Variants in CLSTN2 observed in about 807,000 individuals in gnomAD.
The protein encoded by CLSTN2 is calsyntenin-2.
CLSTN2 carries 48 observed loss-of-function variants against 101.2 expected under a neutral mutation model. That is an observed-to-expected ratio of 0.47 (90% confidence interval 0.38 to 0.60). The LOEUF (loss-of-function observed/expected upper bound fraction) is 0.60, where lower values mean the gene tolerates loss of function less well. CLSTN2 is among the 20% of genes least tolerant of loss of function. CLSTN2 has a pLI of 0.00. For synonymous variants in CLSTN2, 481 were observed against 463.6 expected (o/e 1.04, Z -0.48); for missense variants, 1,160 against 1,238.2 (o/e 0.94, Z 0.95).
chr3:140,075,068 A>G (rs1368239864), intron 1 of CLSTN2, among the ~76,000 whole-genome samples: 1 of 152,224 alleles, frequency 6.6e-6, no homozygotes, highest in Non-Finnish European at 1.5e-5. Context: ...CATCCCTGAT[A>G]CTAGTTATTT....
At chr3:140,305,163 G>T (rs1012840116) in intron 2 of CLSTN2, among the ~76,000 whole-genome samples, 1 of 151,654 alleles carries the variant, frequency 6.6e-6, no homozygotes, top group Admixed American at 6.6e-5. Context: ...CCTCCACTCC[G>T]TGCTGAGGAT....
intron 1 of CLSTN2, among the ~76,000 whole-genome samples, chr3:139,979,704 T>A (rs1164964093): frequency 6.6e-6 from 1 of 152,132 alleles, no homozygotes; most frequent in East Asian, 1.9e-4. Flanking sequence ...GCATGGGGAA[T>A]AGTATCCCTG....
At chr3:140,381,209 A>T (rs1015950639) in intron 2 of CLSTN2, among the ~76,000 whole-genome samples, 3 of 152,174 alleles carry the variant, frequency 2.0e-5, no homozygotes, top group Non-Finnish European at 4.4e-5. Context: ...GTGTTTTCAC[A>T]TCATCTTCCT....
chr3:139,960,670 G>A (rs1308805979), intron 1 of CLSTN2, among the ~76,000 whole-genome samples: 4 of 152,154 alleles, frequency 2.6e-5, no homozygotes, highest in Non-Finnish European at 5.9e-5. Flanking sequence ...TTGATGCACT[G>A]CGTGCTGCAC....
At chr3:140,378,723 C>G (rs533978035) in intron 2 of CLSTN2, among the ~76,000 whole-genome samples, 1 of 152,280 alleles carries the variant, frequency 6.6e-6, no homozygotes, top group Admixed American at 6.5e-5. Flanking sequence ...ATCAGAAATA[C>G]TGGGTGACTT....
At chr3:140,204,227 T>C (rs2010753121) in intron 2 of CLSTN2, among the ~76,000 whole-genome samples, 1 of 152,212 alleles carries the variant, frequency 6.6e-6, no homozygotes, top group South Asian at 2.1e-4. Context: ...AAGTGGTAGT[T>C]GTTTTTATTT....
rs891028198 is a variant in CLSTN2, at chr3:140,404,505, T to G, written c.429-53T>G. The G allele has an allele frequency of 3.7e-5, 57 of 1,535,630 alleles. 1 individual carries two copies. Among genetic ancestry groups the G allele is most frequent in the South Asian group, 2.0e-4 (18 of 88,584 alleles). ...CAGTGCCCCCAGGAGGTACAGGAGG[T>G]TGGTGTGACTCTTTCTTTACCACCA... On this transcript the variant is annotated intron_variant, in intron 3 of 16. Transcript: ENST00000458420.
At chr3:140,275,731 G>A (rs147103293) in intron 2 of CLSTN2, among the ~76,000 whole-genome samples, 94 of 152,276 alleles carry the variant, frequency 6.2e-4, no homozygotes, top group African/African-American at 2.3e-3. Flanking sequence ...TGTCACCACA[G>A]TGCTCAGGTC....
chr3:140,282,297 C>T (rs1282841092), intron 2 of CLSTN2, among the ~76,000 whole-genome samples: 2 of 152,122 alleles, frequency 1.3e-5, no homozygotes, highest in Non-Finnish European at 2.9e-5. Context: ...AGGTTCTTAA[C>T]CCACATTCCC....
intron 1 of CLSTN2, among the ~76,000 whole-genome samples, chr3:139,981,910 C>T (rs7641534): frequency 0.33 from 49,831 of 151,936 alleles, 10,106 homozygotes; most frequent in Non-Finnish European, 0.46. Flanking sequence ...TCCAAGGCTG[C>T]CCCACCCTGA....
At chr3:140,307,229 G>T (rs75670143) in intron 2 of CLSTN2, among the ~76,000 whole-genome samples, 7 of 152,024 alleles carry the variant, frequency 4.6e-5, no homozygotes, top group Admixed American at 2.6e-4. Flanking sequence ...TTGCCCACTC[G>T]GGTGTGTCTT....
intron 9 of CLSTN2, among the ~76,000 whole-genome samples, chr3:140,532,847 T>C (rs1935286500): frequency 6.6e-6 from 1 of 152,210 alleles, no homozygotes; most frequent in South Asian, 2.1e-4. Flanking sequence ...TGATGAGTGC[T>C]AGGCTGATCA....
In CLSTN2 at chr3:140,088,438, G is replaced by C. The variant is rs369879600; in HGVS notation, c.110-87513G>C. On this transcript the variant is annotated intron_variant, in intron 1 of 16. Coordinates refer to ENST00000458420, the MANE Select transcript of CLSTN2 (RefSeq NM_022131.3). ...AACTTGTTGAGGGAGGAATTTCTCT[G>C]AAAGTCTTGTATTTTTAATCTAGAA... Among the ~76,000 whole-genome samples, 3 of 152,260 alleles carry C rather than the reference G, an allele frequency of 2.0e-5. No homozygotes were observed. The East Asian group carries it at 5.8e-4, about 29-fold the overall frequency.
intron 8 of CLSTN2, among the ~76,000 whole-genome samples, chr3:140,468,499 G>C (rs1405229947): frequency 6.6e-6 from 1 of 152,102 alleles, no homozygotes; most frequent in Non-Finnish European, 1.5e-5. Context: ...TTTAAGGAGG[G>C]GCTGAGATTC....
chr3:140,424,751 A>T (rs60018427), intron 5 of CLSTN2, among the ~76,000 whole-genome samples: 3,825 of 152,294 alleles, frequency 0.025, 153 homozygotes, highest in African/African-American at 0.086. Context: ...CACTTTGTAA[A>T]TGGACAAGGA....
chr3:140,411,291 A>C (rs2088359983), intron 4 of CLSTN2, among the ~76,000 whole-genome samples: 1 of 152,244 alleles, frequency 6.6e-6, no homozygotes, highest in African/African-American at 2.4e-5. Flanking sequence ...ATATCAAACA[A>C]AATAGGCTTT....
chr3:139,965,457 T>C (rs116123310), intron 1 of CLSTN2, among the ~76,000 whole-genome samples: 1,831 of 152,256 alleles, frequency 0.012, 26 homozygotes, highest in African/African-American at 0.042. Context: ...ATTCTCCACT[T>C]CTGGGGCCTG....
At chr3:140,445,376 G>A (rs766954670) in intron 5 of CLSTN2, among the ~76,000 whole-genome samples, 3 of 152,290 alleles carry the variant, frequency 2.0e-5, no homozygotes, top group Admixed American at 1.3e-4. Context: ...GCTGAATAAA[G>A]GGAATCAATG....
At chr3:140,504,079 C>G (rs1934636370) in intron 8 of CLSTN2, among the ~76,000 whole-genome samples, 1 of 152,188 alleles carries the variant, frequency 6.6e-6, no homozygotes, top group Non-Finnish European at 1.5e-5. Flanking sequence ...GCACCTCATC[C>G]ACTTCTGCCA....
Sources: allele counts gnomAD v4.1 joint callset (sites outside exome capture counted in the v4.1 genomes callset), GRCh38; gene constraint gnomAD v4.1.1; transcripts MANE v1.5; gene names NCBI Gene and HGNC (gene_info 2026-07-23, HGNC 2026-07-21).